Variants in CDIP1 observed in about 807,000 individuals in gnomAD.
CDIP1 encodes the protein cell death inducing p53 target 1, also known as cell death-inducing p53-target protein 1.
In CDIP1, 9 loss-of-function variants were observed where a neutral mutation model predicts 17.7. The observed-to-expected ratio is 0.51, with a 90% CI of 0.31 to 0.89. CDIP1 has a LOEUF of 0.89. Ranked by LOEUF, CDIP1 falls within the 40% of genes least tolerant of loss-of-function variation. The probability of loss-of-function intolerance (pLI) is 0.05; values close to 1 mark genes in which losing one functional copy is unlikely to be tolerated. For synonymous variants in CDIP1, 117 were observed against 109.5 expected (o/e 1.07, Z -0.43); for missense variants, 263 against 277.9 (o/e 0.95, Z 0.38).
chr16:4,532,164 T>C (rs925849801), intron 1 of CDIP1: 9 of 152,210 alleles, frequency 5.9e-5, no homozygotes, highest in Admixed American at 4.6e-4. Context: ...ACGGAGCACA[T>C]GAAGACCACG....
At chr16:4,530,765 C>G (rs977571888) in intron 1 of CDIP1, among the ~76,000 whole-genome samples, 1 of 151,970 alleles carries the variant, frequency 6.6e-6, no homozygotes, top group African/African-American at 2.4e-5. Context: ...CACTTGAGAC[C>G]AGGAGTTCAA....
intron 1 of CDIP1, among the ~76,000 whole-genome samples, chr16:4,530,478 C>T (rs1464872097): frequency 6.6e-6 from 1 of 151,926 alleles, no homozygotes; most frequent in East Asian, 1.9e-4. Flanking sequence ...GGAGAAACCC[C>T]ATCTCTACTA....
At chr16:4,519,565 G>A (rs2058923339) in intron 1 of CDIP1, among the ~76,000 whole-genome samples, 1 of 152,222 alleles carries the variant, frequency 6.6e-6, no homozygotes, top group Non-Finnish European at 1.5e-5. Flanking sequence ...ACAGCAAGAA[G>A]GCCCTTGCCA....
intron 1 of CDIP1, chr16:4,524,244 G>T (rs2058978208): frequency 6.6e-6 from 1 of 152,248 alleles, no homozygotes. Flanking sequence ...CGCCTTCCAT[G>T]AATTACTACG....
rs2058920529 is a variant in CDIP1 at position 4,519,318 on chromosome 16, C to T, written c.-104-4654G>A. ...AGCAAGCAGTCAGTTCTGCAGCGGACACCAGGTGGACGTCTTCTAGTGGCA... is the reference window on the plus strand; with the variant it reads ...AGCAAGCAGTCAGTTCTGCAGCGGATACCAGGTGGACGTCTTCTAGTGGCA... On this transcript the variant is annotated intron_variant, in intron 1 of 5. Coordinates refer to ENST00000567695, the MANE Select transcript of CDIP1 (RefSeq NM_013399.3). Among the ~76,000 whole-genome samples the T allele has an allele frequency of 2.6e-5, 4 of 152,112 alleles. No homozygotes were observed. In the South Asian group the frequency reaches 8.3e-4, roughly 32 times the overall value.
In CDIP1 at chr16:4,511,655, T is replaced by C. The variant is rs2058831180; in HGVS notation, c.*917A>G. 6.6e-6 allele frequency: 1 copy of C among 152,384 alleles called. No individual in the cohort carries two copies. The highest frequency in any genetic ancestry group is 6.5e-5 in the Admixed American group (1 of 15,288). 9.4% of individuals were successfully genotyped at this position (152,384 alleles called of 1,614,324 possible). ...AGGGAAGAAAATCCATGGAGAAGGC[T>C]CTGCACATCCAAGCGCACCCACAAG... On this transcript the variant is annotated 3_prime_UTR_variant, in exon 6 of 6. Coordinates refer to ENST00000567695, the MANE Select transcript of CDIP1 (RefSeq NM_013399.3).
At chr16:4,529,892 G>A (rs1339695684) in intron 1 of CDIP1, among the ~76,000 whole-genome samples, 1 of 152,242 alleles carries the variant, frequency 6.6e-6, no homozygotes, top group Non-Finnish European at 1.5e-5. Flanking sequence ...AATGTCTCCT[G>A]GCCGTCCTTA....
intron 1 of CDIP1, among the ~76,000 whole-genome samples, chr16:4,528,646 A>C (rs2059024658): frequency 7.5e-6 from 1 of 133,274 alleles, no homozygotes; most frequent in Non-Finnish European, 1.5e-5. Flanking sequence ...GCACCGCTGC[A>C]CTCTAGCATG....
chr16:4,538,714 C>T lies in CDIP1; in HGVS notation c.-117G>A, dbSNP rs1254145180. The T allele has an allele frequency of 6.6e-6, 1 of 152,268 alleles. No homozygotes were observed. The highest frequency in any genetic ancestry group is 1.5e-5 in the Non-Finnish European group (1 of 68,086). The allele number at this position is 152,268 out of a possible 1,614,324, so 9.4% of individuals were successfully genotyped here. A position where few individuals can be genotyped will look rare whatever the true frequency, so the allele number is the denominator to read the frequency against. ...CCAGTCGACTCACCGTCCCCGCAGC[C>T]CTGGGGCAGCGGCCGCAACAGCAGG... is the stretch of plus-strand genomic sequence containing the variant. On this transcript the variant is annotated 5_prime_UTR_variant, in exon 1 of 6. Coordinates refer to ENST00000567695, the MANE Select transcript of CDIP1 (RefSeq NM_013399.3).
At position 4,512,529 on chromosome 16, in the gene CDIP1, G is replaced by A. The variant is rs768987500; in HGVS notation, c.*43C>T. 3 of 1,421,336 alleles carry A rather than the reference G, an allele frequency of 2.1e-6. No homozygotes were observed. The highest frequency in any genetic ancestry group is 3.0e-6 in the Non-Finnish European group (3 of 1,004,808). The allele number at this position is 1,421,336 out of a possible 1,614,324, so 88.0% of individuals were successfully genotyped here. ...ACTGAGCACAGGGAGCAAAGCACAG[G>A]GGGCCAGACTGACAGGCGGGGGAGT... On this transcript the variant is annotated 3_prime_UTR_variant, in exon 6 of 6. Coordinates refer to ENST00000567695, the MANE Select transcript of CDIP1 (RefSeq NM_013399.3). This position sits in a 1 kb window ranked among gnomAD's most constrained non-coding sequence, Gnocchi z 4.6.
chr16:4,535,702 A>T (rs747769234), intron 1 of CDIP1, among the ~76,000 whole-genome samples: 1 of 152,246 alleles, frequency 6.6e-6, no homozygotes, highest in Non-Finnish European at 1.5e-5. Flanking sequence ...ACAGAGTAGG[A>T]GAAGTGGTGA....
chr16:4,517,166 G>A (rs1399631089), intron 1 of CDIP1, among the ~76,000 whole-genome samples: 1 of 152,204 alleles, frequency 6.6e-6, no homozygotes, highest in African/African-American at 2.4e-5. Flanking sequence ...AAGGACATGA[G>A]CATTTTATGC....
At position 4,534,111 on chromosome 16, in the gene CDIP1, T is replaced by G. The variant is rs144997746; in HGVS notation, c.-105+4591A>C. ...AATTACAGGCACCTGCCCCCACACC[T>G]GGTTAATTTTTGTATTTTTAGTAGA... On this transcript the variant is annotated intron_variant, in intron 1 of 5. Coordinates refer to ENST00000567695, the MANE Select transcript of CDIP1 (RefSeq NM_013399.3). Among the ~76,000 whole-genome samples, 112 of 152,018 alleles carry G rather than the reference T, an allele frequency of 7.4e-4. 3 individuals carry two copies. The East Asian group carries it at 0.02, about 27-fold the overall frequency.
At position 4,531,786 on chromosome 16, in the gene CDIP1, T is replaced by G. The variant is rs541284188; in HGVS notation, c.-105+6916A>C. On this transcript the variant is annotated intron_variant, in intron 1 of 5. Coordinates refer to ENST00000567695, the MANE Select transcript of CDIP1 (RefSeq NM_013399.3). ...TCCAGAAATGGTTTTCAAAATACAC[T>G]TGAGTGGGATCTCACACTCCCAATA... Among the ~76,000 whole-genome samples the G allele has an allele frequency of 4.6e-5, 7 of 152,352 alleles. No homozygotes were observed. The South Asian group carries it at 1.2e-3, about 27-fold the overall frequency.
intron 1 of CDIP1, chr16:4,536,426 C>T (rs1351239332): frequency 6.6e-6 from 1 of 152,176 alleles, no homozygotes; most frequent in Non-Finnish European, 1.5e-5. Flanking sequence ...TAGGTTCAAC[C>T]TGGACAAGCT....
chr16:4,530,345 T>TGCA (rs2059042433), intron 1 of CDIP1, among the ~76,000 whole-genome samples: 2 of 152,230 alleles, frequency 1.3e-5, no homozygotes, highest in African/African-American at 4.8e-5. Context: ...TAGTTTACAC[T>TGCA]GCATTATATG....
At chr16:4,521,722 A>AG (rs2058951233) in intron 1 of CDIP1, among the ~76,000 whole-genome samples, 3 of 146,494 alleles carry the variant, frequency 2.0e-5, no homozygotes, top group African/African-American at 5.1e-5. Context: ...AAAAAAAAAA[A>AG]GGCGGGGGGG....
chr16:4,529,462 G>A (rs577390428), intron 1 of CDIP1, among the ~76,000 whole-genome samples: 17 of 152,314 alleles, frequency 1.1e-4, no homozygotes, highest in Non-Finnish European at 1.9e-4. Context: ...TCAAGAGCTT[G>A]TTCCTGCATG....
chr16:4,531,098 G>A (rs771473112), intron 1 of CDIP1, among the ~76,000 whole-genome samples: 7 of 151,698 alleles, frequency 4.6e-5, no homozygotes, highest in East Asian at 1.9e-4. Flanking sequence ...GCGTGATCTC[G>A]GCTCATTGCA....
Sources: allele counts gnomAD v4.1 joint callset (sites outside exome capture counted in the v4.1 genomes callset), GRCh38; gene constraint gnomAD v4.1.1; non-coding constraint Gnocchi (gnomAD v3.1); transcripts MANE v1.5; gene names NCBI Gene and HGNC (gene_info 2026-07-23, HGNC 2026-07-21).